The following SLC6A6 variants were observed in gnomAD, a reference collection of about 807,000 sequenced individuals.
SLC6A6 encodes solute carrier family 6 member 6, also known as sodium- and chloride-dependent taurine transporter.
In SLC6A6, 16 loss-of-function variants were observed where a neutral mutation model predicts 68.8. That is an observed-to-expected ratio of 0.23 (90% confidence interval 0.16 to 0.35). The LOEUF is 0.35. Among genes scored for constraint, SLC6A6 ranks in the 10% least tolerant of loss-of-function variants. The probability of loss-of-function intolerance (pLI) is 1.00; values close to 1 mark genes in which losing one functional copy is unlikely to be tolerated. For synonymous variants in SLC6A6, 312 were observed against 315.4 expected (o/e 0.99, Z 0.12); for missense variants, 474 against 802.8 (o/e 0.59, Z 4.95).
chr3:14,402,844 C>G lies in SLC6A6; in HGVS notation c.-57C>G. ...GAGCGCGGGCGGCGCCGCAGCCACCCCAGGTACCGGAGGGACCGGGAGCTG... is the reference window on the plus strand; with the variant it reads ...GAGCGCGGGCGGCGCCGCAGCCACCGCAGGTACCGGAGGGACCGGGAGCTG... On this transcript the variant is annotated 5_prime_UTR_variant, in exon 1 of 15. Coordinates refer to ENST00000622186, the MANE Select transcript of SLC6A6 (RefSeq NM_003043.6). This position sits in a 1 kb window ranked among gnomAD's most constrained non-coding sequence, Gnocchi z 4.8. 1 of 396,548 alleles carries G rather than the reference C, an allele frequency of 2.5e-6. No individual in the cohort carries two copies. The highest frequency in any genetic ancestry group is 4.5e-6 in the Non-Finnish European group (1 of 224,676). The allele number at this position is 396,548 out of a possible 1,614,324, so 24.6% of individuals were successfully genotyped here.
At chr3:14,445,671 G>A (rs958615045) in intron 3 of SLC6A6, 46 bp from the exon 4 acceptor site, 8 of 1,611,928 alleles carry the variant, frequency 5.0e-6, no homozygotes, top group African/African-American at 4.0e-5. Context: ...CTGCGTCGGC[G>A]CTGCCATGGC....
intron 9 of SLC6A6, among the ~76,000 whole-genome samples, chr3:14,470,642 TG>T (rs1700730572): frequency 6.6e-6 from 1 of 152,236 alleles, no homozygotes; most frequent in South Asian, 2.1e-4. Context: ...TGCAGCTGGC[TG>T]GACTCGATTC....
chr3:14,476,287 A>T (rs922908147), intron 10 of SLC6A6, among the ~76,000 whole-genome samples: 5 of 152,234 alleles, frequency 3.3e-5, no homozygotes, highest in Non-Finnish European at 7.3e-5. Context: ...GCTGGGCATT[A>T]GATCAATGGC....
At position 14,468,301 on chromosome 3, in the gene SLC6A6, C is replaced by A; in HGVS notation, c.1096+89C>A. 1 of 1,148,804 alleles carries A rather than the reference C, an allele frequency of 8.7e-7. No homozygotes were observed. Among genetic ancestry groups the A allele is most frequent in the African/African-American group, 1.6e-5 (1 of 62,212 alleles). The allele number at this position is 1,148,804 out of a possible 1,614,324, so 71.2% of individuals were successfully genotyped here. A position where few individuals can be genotyped will look rare whatever the true frequency, so the allele number is the denominator to read the frequency against. On this transcript the variant is annotated intron_variant, in intron 9 of 14. Transcript: ENST00000622186. This position sits in a 1 kb window ranked among gnomAD's most constrained non-coding sequence, Gnocchi z 4.5. Reference sequence around the variant, plus strand: ...AGGCATGAAGCCAGACCCCAGGGGGCTTTGAGGGGGGACGAGCCTGGTTTC... The same window carrying A: ...AGGCATGAAGCCAGACCCCAGGGGGATTTGAGGGGGGACGAGCCTGGTTTC...
At chr3:14,475,355 T>C (rs1251164251) in intron 10 of SLC6A6, among the ~76,000 whole-genome samples, 4 of 152,066 alleles carry the variant, frequency 2.6e-5, no homozygotes, top group African/African-American at 7.2e-5. Flanking sequence ...TTTTAACAAA[T>C]TGTGAGAGGA....
At position 14,443,730 on chromosome 3, in the gene SLC6A6, C is replaced by T. The variant is rs769440674; in HGVS notation, c.96C>T (p.Asp32=). 10 of 1,613,916 alleles carry T rather than the reference C, an allele frequency of 6.2e-6. No individual in the cohort carries two copies. The highest frequency in any genetic ancestry group is 1.6e-4 in the Middle Eastern group (1 of 6,084). Residue 32 remains aspartate, a synonymous_variant, in exon 3 of 15, where the codon GAC becomes GAT. Coordinates refer to ENST00000622186, the MANE Select transcript of SLC6A6 (RefSeq NM_003043.6). Reference sequence around the variant, plus strand: ...AGAGCCCAGGCACGCGGCCTGAGGACGAGGCTGAGGGAAAACCTCCGCAGA... The same window carrying T: ...AGAGCCCAGGCACGCGGCCTGAGGATGAGGCTGAGGGAAAACCTCCGCAGA... ...PGKSPGTRPE[D]EAEGKPPQRE...
At chr3:14,443,490 C>A in intron 2 of SLC6A6, 134 bp from the exon 3 acceptor site, 1 of 634,236 alleles carries the variant, frequency 1.6e-6, no homozygotes, top group Non-Finnish European at 2.8e-6. Context: ...ATTGGACAGA[C>A]AGGGATGCCA....
Position 14,483,855 on chromosome 3 carries a change from AT to A in SLC6A6, c.1723-1001del, listed in dbSNP as rs957698870. Among the ~76,000 whole-genome samples, 438 of 148,450 alleles carry A rather than the reference AT, an allele frequency of 3.0e-3. 3 individuals carry two copies. Among genetic ancestry groups the A allele is most frequent in the African/African-American group, 9.2e-3 (374 of 40,538 alleles). On this transcript the variant is annotated intron_variant, in intron 14 of 14. Transcript: ENST00000622186. ...TACCACCATGCCTGGCTAATTTTTA[AT>A]TTTTTTTTTTAAGAGTTAGGGTCTC...
chr3:14,404,481 G>A (rs1294401703), intron 1 of SLC6A6, among the ~76,000 whole-genome samples: 1 of 152,198 alleles, frequency 6.6e-6, no homozygotes, highest in Non-Finnish European at 1.5e-5. Context: ...GTTGACCTTG[G>A]GCAACCCTTT....
intron 4 of SLC6A6, among the ~76,000 whole-genome samples, chr3:14,447,368 C>G: frequency 6.6e-6 from 1 of 152,184 alleles, no homozygotes; most frequent in African/African-American, 2.4e-5. Context: ...ATCCCCCCTG[C>G]CCCCTGCCAT....
rs1005006642 is a variant in SLC6A6, at chr3:14,481,878, G to A, written c.1722+37G>A. The A allele has an allele frequency of 1.3e-6, 2 of 1,579,270 alleles. No individual in the cohort carries two copies. Among genetic ancestry groups the A allele is most frequent in the African/African-American group, 2.7e-5 (2 of 74,060 alleles). ...GGCCCAGGGCCAGGGGAGGTGGGAG[G>A]CGCGAGGCCAAAGGTGATTGTTGTC... On this transcript the variant is annotated intron_variant, in intron 14 of 14. Transcript: ENST00000622186. This position sits in a 1 kb window ranked among gnomAD's most constrained non-coding sequence, Gnocchi z 4.7.
In SLC6A6 at chr3:14,485,643, C is replaced by T. The variant is rs1378914295; in HGVS notation, c.*636C>T. 6.6e-6 allele frequency: 1 copy of T among 152,566 alleles called. No individual in the cohort carries two copies. Among genetic ancestry groups the T allele is most frequent in the Non-Finnish European group, 1.5e-5 (1 of 68,052 alleles). The allele number at this position is 152,566 out of a possible 1,614,324, so 9.5% of individuals were successfully genotyped here. A position where few individuals can be genotyped will look rare whatever the true frequency, so the allele number is the denominator to read the frequency against. On this transcript the variant is annotated 3_prime_UTR_variant, in exon 15 of 15. Coordinates refer to ENST00000622186, the MANE Select transcript of SLC6A6 (RefSeq NM_003043.6). ...CTTGGCTTAGTGAAGAAGAGAGATG[C>T]CAAAGGAATGAACCAACCCTTCACA...
chr3:14,434,316 T>C (rs976839356), intron 2 of SLC6A6, among the ~76,000 whole-genome samples: 1 of 152,206 alleles, frequency 6.6e-6, no homozygotes, highest in African/African-American at 2.4e-5. Flanking sequence ...CTGCCCACAG[T>C]GAGTCCTCAG....
At chr3:14,453,219 G>A (rs927438045) in intron 5 of SLC6A6, among the ~76,000 whole-genome samples, 2 of 152,216 alleles carry the variant, frequency 1.3e-5, no homozygotes, top group East Asian at 1.9e-4. Context: ...TCTGAGTGCC[G>A]GCTGGACGGC....
chr3:14,444,324 G>A (rs918182129), intron 3 of SLC6A6: 1 of 186,750 alleles, frequency 5.4e-6, no homozygotes, highest in Non-Finnish European at 1.1e-5. Context: ...TGGAAAACTG[G>A]TATCATTTGT....
Position 14,415,117 on chromosome 3 carries a change from G to T in SLC6A6, c.-53-1295G>T, listed in dbSNP as rs188157571. On this transcript the variant is annotated intron_variant, in intron 1 of 14. Transcript: ENST00000622186. ...CCTCTCATGTGCCCAGCCTCTAGCC[G>T]GTGGTTCCAGGCCTCATGAGCTCAG... is the stretch of plus-strand genomic sequence containing the variant. Among the ~76,000 whole-genome samples, 4 of 152,174 alleles carry T rather than the reference G, an allele frequency of 2.6e-5. No individual in the cohort carries two copies. The East Asian group carries it at 5.8e-4, about 22-fold the overall frequency.
At chr3:14,455,446 G>A (rs559722904) in intron 5 of SLC6A6, among the ~76,000 whole-genome samples, 1 of 152,314 alleles carries the variant, frequency 6.6e-6, no homozygotes, top group African/African-American at 2.4e-5. Flanking sequence ...AGAATCAAAG[G>A]AAAGGCTGTC....
intron 2 of SLC6A6, among the ~76,000 whole-genome samples, chr3:14,439,483 G>A (rs993458702): frequency 1.3e-5 from 2 of 152,228 alleles, no homozygotes; most frequent in African/African-American, 4.8e-5. Flanking sequence ...AGCTGGCTCT[G>A]GCTGTCACCT....
At chr3:14,405,871 G>T (rs1175468124) in intron 1 of SLC6A6, among the ~76,000 whole-genome samples, 1 of 152,176 alleles carries the variant, frequency 6.6e-6, no homozygotes, top group Non-Finnish European at 1.5e-5. Context: ...AGAGGTAGAA[G>T]CATGTGGTAA....
Sources: gnomAD v4.1 joint callset for allele counts (sites outside exome capture counted in the v4.1 genomes callset) on GRCh38, gnomAD v4.1.1 for gene constraint, Gnocchi (gnomAD v3.1) non-coding constraint, MANE v1.5 for transcripts, NCBI Gene and HGNC (gene_info 2026-07-23, HGNC 2026-07-21) for gene names.